GPR137C: variants seen among roughly 807,000 people sequenced by gnomAD.
GPR137C encodes integral membrane protein GPR137C.
Under a neutral mutation model 43.4 loss-of-function variants are expected in GPR137C, and 27 were observed. That is an observed-to-expected ratio of 0.62 (90% CI 0.46 to 0.86). GPR137C has a LOEUF of 0.86. Among genes scored for constraint, GPR137C ranks in the 40% least tolerant of loss-of-function variants. The pLI is 0.00. For missense variants in GPR137C, 522 were observed against 534.6 expected (o/e 0.98, Z 0.23); for synonymous variants, 285 against 226.9 (o/e 1.26, Z -2.30).
chr14:52,570,793 C>A (rs1219931502), intron 1 of GPR137C, among the ~76,000 whole-genome samples: 1 of 152,052 alleles, frequency 6.6e-6, no homozygotes, highest in African/African-American at 2.4e-5. Flanking sequence ...GAAGAGCTAA[C>A]CTAAATATAT....
chr14:52,585,412 C>G (rs2038700792), intron 1 of GPR137C, among the ~76,000 whole-genome samples: 1 of 152,188 alleles, frequency 6.6e-6, no homozygotes, highest in Admixed American at 6.6e-5. Flanking sequence ...CACTGTCTCT[C>G]CACTCTCCAT....
intron 3 of GPR137C, among the ~76,000 whole-genome samples, chr14:52,624,645 G>T (rs1036549979): frequency 1.3e-5 from 2 of 151,060 alleles, no homozygotes; most frequent in Admixed American, 1.3e-4. Flanking sequence ...GATAGCCGGA[G>T]CCTGGGAGGC....
At chr14:52,611,505 A>T in intron 3 of GPR137C, 1 of 344,938 alleles carries the variant, frequency 2.9e-6, no homozygotes, top group Non-Finnish European at 4.1e-6. Flanking sequence ...CTTGAATTTT[A>T]AGGATACAAC....
At chr14:52,574,798 C>T (rs10143889) in intron 1 of GPR137C, among the ~76,000 whole-genome samples, 5,893 of 152,248 alleles carry the variant, frequency 0.039, 367 homozygotes, top group African/African-American at 0.13. Flanking sequence ...CATTCTGCTC[C>T]TTTTTCCCCC....
At chr14:52,612,598 G>A (rs1384857881) in intron 3 of GPR137C, 7 of 796,272 alleles carry the variant, frequency 8.8e-6, no homozygotes, top group Non-Finnish European at 1.1e-5. Flanking sequence ...TTCTCACTGT[G>A]TCACCCAGGC....
intron 1 of GPR137C, among the ~76,000 whole-genome samples, chr14:52,594,958 G>A (rs537269860): frequency 4.4e-4 from 67 of 152,196 alleles, no homozygotes; most frequent in Middle Eastern, 3.4e-3. Flanking sequence ...GGCTGGTACC[G>A]GTGTTTCTTT....
intron 1 of GPR137C, among the ~76,000 whole-genome samples, chr14:52,574,123 A>G (rs978663461): frequency 7.3e-5 from 11 of 151,466 alleles, no homozygotes; most frequent in African/African-American, 2.2e-4. Flanking sequence ...TGTTGGTGGG[A>G]GTGTAAATTA....
intron 3 of GPR137C, among the ~76,000 whole-genome samples, chr14:52,626,309 T>C (rs2039226976): frequency 6.6e-6 from 1 of 152,136 alleles, no homozygotes; most frequent in African/African-American, 2.4e-5. Context: ...ATAAAAAGCA[T>C]AATTTATTGT....
Position 52,600,114 on chromosome 14 carries a change from A to G in GPR137C, c.490A>G (p.Ile164Val). 6.2e-7 allele frequency: 1 copy of G among 1,606,360 alleles called. No homozygotes were observed. The highest frequency in any genetic ancestry group is 8.5e-7 in the Non-Finnish European group (1 of 1,174,644). ...RCATELDRHK[I>V]LLHLGFIMAS... ...TCTAATATACTTTTTTTCTTTCAGA[A>G]TTCTACTGCATTTGGGCTTTATAAT... Residue 164 changes from isoleucine (I) to valine (V), a missense_variant and splice_region_variant, in exon 3 of 7, where the codon ATT (isoleucine) becomes GTT (valine). Transcript: ENST00000321662.
Position 52,627,903 on chromosome 14 carries a change from T to C in GPR137C, c.718-4257T>C, listed in dbSNP as rs139389165. 2.8e-3 allele frequency among the ~76,000 whole-genome samples: 428 copies of C among 152,316 alleles called. 1 individual carries two copies. Among genetic ancestry groups the C allele is most frequent in the African/African-American group, 9.7e-3 (402 of 41,570 alleles). ...TAGTGCTTTCCTATGGAATTTTCTG[T>C]GTTAATGAAAATATTCTTTAGCTGT... On this transcript the variant is annotated intron_variant, in intron 3 of 6. Transcript: ENST00000321662.
intron 3 of GPR137C, among the ~76,000 whole-genome samples, chr14:52,610,847 G>A (rs1484719607): frequency 6.6e-6 from 1 of 152,276 alleles, no homozygotes; most frequent in South Asian, 2.1e-4. Flanking sequence ...GTTGAACCAG[G>A]ATTCAAACTC....
intron 3 of GPR137C, among the ~76,000 whole-genome samples, chr14:52,623,464 A>G (rs1257102020): frequency 6.6e-6 from 1 of 152,178 alleles, no homozygotes; most frequent in African/African-American, 2.4e-5. Context: ...CTAGTCTGGA[A>G]AGTTATAAAA....
chr14:52,591,177 C>G (rs1241662570), intron 1 of GPR137C, among the ~76,000 whole-genome samples: 1 of 152,140 alleles, frequency 6.6e-6, no homozygotes. Flanking sequence ...TTTTTTATGG[C>G]TGTGTAGTAT....
At chr14:52,585,132 G>A (rs2038696508) in intron 1 of GPR137C, among the ~76,000 whole-genome samples, 1 of 152,096 alleles carries the variant, frequency 6.6e-6, no homozygotes, top group South Asian at 2.1e-4. Flanking sequence ...GAATCCATCT[G>A]CCAAATTCTC....
chr14:52,620,718 G>A (rs946020235), intron 3 of GPR137C, among the ~76,000 whole-genome samples: 3 of 151,482 alleles, frequency 2.0e-5, no homozygotes, highest in Admixed American at 6.6e-5. Context: ...AATCTCAAGA[G>A]AAATAAAAAC....
intron 1 of GPR137C, among the ~76,000 whole-genome samples, chr14:52,597,468 C>T (rs2139521056): frequency 1.3e-5 from 2 of 152,280 alleles, no homozygotes; most frequent in South Asian, 4.2e-4. Context: ...TCCAGGTCCC[C>T]AAACTTCATA....
chr14:52,554,667 A>G (rs2038165377), intron 1 of GPR137C, among the ~76,000 whole-genome samples: 1 of 151,996 alleles, frequency 6.6e-6, no homozygotes. Flanking sequence ...AATCCTCTCA[A>G]AGGCTTTTTT....
At chr14:52,628,463 A>G (rs941857285) in intron 3 of GPR137C, among the ~76,000 whole-genome samples, 37 of 152,190 alleles carry the variant, frequency 2.4e-4, no homozygotes, top group Non-Finnish European at 1.5e-4. Context: ...GTAACCATGA[A>G]AAAAATAAGT....
intron 1 of GPR137C, chr14:52,596,831 C>G (rs2038862205): frequency 2.3e-6 from 1 of 436,746 alleles, no homozygotes; most frequent in African/African-American, 2.0e-5. Flanking sequence ...GGGCTGCACC[C>G]ACTGTCCAAC....
Sources: gnomAD v4.1 joint callset for allele counts (sites outside exome capture counted in the v4.1 genomes callset) on GRCh38, gnomAD v4.1.1 for gene constraint, MANE v1.5 for transcripts, NCBI Gene and HGNC (gene_info 2026-07-23, HGNC 2026-07-21) for gene names.